MRAP2: variants seen among roughly 807,000 people sequenced by gnomAD.
MRAP2 encodes the protein melanocortin-2 receptor accessory protein 2.
In MRAP2, 20 loss-of-function variants were observed where a neutral mutation model predicts 17.4. The observed-to-expected ratio is 1.15, with a 90% confidence interval of 0.81 to 1.67. The LOEUF (loss-of-function observed/expected upper bound fraction) is 1.67, where lower values mean the gene tolerates loss of function less well. Ranked by LOEUF, MRAP2 falls within the 40% of genes most tolerant of loss-of-function variation. MRAP2 has a pLI of 0.00. For missense variants in MRAP2, 238 were observed against 240.0 expected, an observed-to-expected ratio of 0.99 and a Z score of 0.05; for synonymous variants, 96 against 88.4, an observed-to-expected ratio of 1.09 and a Z score of -0.48.
the MRAP2 span, among the ~76,000 whole-genome samples, chr6:84,126,955 G>C: frequency 6.6e-6 from 1 of 152,116 alleles, no homozygotes; most frequent in African/African-American, 2.4e-5. Context: ...AATTCTATTT[G>C]TAATTCTCTA....
At chr6:84,065,008 G>C (rs1036897944) in intron 3 of MRAP2, among the ~76,000 whole-genome samples, 1 of 152,184 alleles carries the variant, frequency 6.6e-6, no homozygotes, top group Non-Finnish European at 1.5e-5. Flanking sequence ...AACACAGCCA[G>C]GCACGGTGGC....
chr6:84,069,033 T>C (rs2099495522), intron 3 of MRAP2, among the ~76,000 whole-genome samples: 1 of 152,080 alleles, frequency 6.6e-6, no homozygotes, highest in African/African-American at 2.4e-5. Flanking sequence ...CTGATGATCA[T>C]ATCGTCAGCA....
At chr6:84,056,750 T>G (rs1184181063) in intron 2 of MRAP2, among the ~76,000 whole-genome samples, 1 of 152,226 alleles carries the variant, frequency 6.6e-6, no homozygotes, top group Non-Finnish European at 1.5e-5. Flanking sequence ...TTTTACTGCT[T>G]GGTGACATCA....
chr6:84,064,186 G>T (rs1370848205), intron 3 of MRAP2, among the ~76,000 whole-genome samples: 1 of 151,524 alleles, frequency 6.6e-6, no homozygotes, highest in African/African-American at 2.4e-5. Flanking sequence ...CAGGAAGCAA[G>T]GGGTGGGGCC....
upstream of MRAP2, among the ~76,000 whole-genome samples, chr6:84,033,549 A>T (rs1210935804): frequency 1.3e-5 from 2 of 152,204 alleles, no homozygotes; most frequent in Non-Finnish European, 2.9e-5. Context: ...GGGATGGCAA[A>T]GAATTCTCTG....
At chr6:84,144,171 C>T in the MRAP2 span, among the ~76,000 whole-genome samples, 1 of 152,072 alleles carries the variant, frequency 6.6e-6, no homozygotes, top group South Asian at 2.1e-4. Flanking sequence ...GTTCTTTCTC[C>T]TTTTACAAAT....
chr6:84,134,358 G>A, the MRAP2 span, among the ~76,000 whole-genome samples: 2 of 152,074 alleles, frequency 1.3e-5, no homozygotes, highest in Non-Finnish European at 2.9e-5. Context: ...TCTTTCCAGG[G>A]GTGTCTTGCT....
At chr6:84,072,502 G>C (rs1035302140) in intron 3 of MRAP2, among the ~76,000 whole-genome samples, 8 of 152,226 alleles carry the variant, frequency 5.3e-5, no homozygotes, top group Non-Finnish European at 1.2e-4. Flanking sequence ...TGGACTCCGT[G>C]AGGGTTTTTA....
chr6:84,115,243 C>A, the MRAP2 span, among the ~76,000 whole-genome samples: 3 of 152,194 alleles, frequency 2.0e-5, no homozygotes, highest in Admixed American at 2.0e-4. Context: ...CTGACTGGGG[C>A]TACTGCCTTT....
chr6:84,052,833 G>A (rs1466078837), intron 1 of MRAP2: 10 of 983,104 alleles, frequency 1.0e-5, no homozygotes, highest in Non-Finnish European at 1.2e-5. Flanking sequence ...TCAGAGCTTT[G>A]CTCCTCTCTT....
chr6:84,048,371 T>C (rs2099489566), intron 1 of MRAP2, among the ~76,000 whole-genome samples: 1 of 152,206 alleles, frequency 6.6e-6, no homozygotes, highest in Non-Finnish European at 1.5e-5. Context: ...ATTCTTTGAC[T>C]TGACACTAGT....
At chr6:84,041,823 C>A (rs1450336509) in intron 1 of MRAP2, among the ~76,000 whole-genome samples, 1 of 152,230 alleles carries the variant, frequency 6.6e-6, no homozygotes, top group Non-Finnish European at 1.5e-5. Context: ...ATTTTACAGA[C>A]TGATAGGCAG....
intron 3 of MRAP2, among the ~76,000 whole-genome samples, chr6:84,067,595 T>C (rs567477020): frequency 2.0e-5 from 3 of 152,358 alleles, no homozygotes; most frequent in East Asian, 1.9e-4. Context: ...TAAGGTGATA[T>C]CGCACTGTGG....
At chr6:84,079,682 G>A (rs1036407396) in intron 3 of MRAP2, among the ~76,000 whole-genome samples, 3 of 152,258 alleles carry the variant, frequency 2.0e-5, no homozygotes, top group Non-Finnish European at 2.9e-5. Context: ...TTGGTAATAG[G>A]GCACTGCAGT....
the MRAP2 span, among the ~76,000 whole-genome samples, chr6:84,131,652 AT>A: frequency 6.7e-6 from 1 of 148,168 alleles, no homozygotes; most frequent in Admixed American, 6.6e-5. Flanking sequence ...AGAGACTAGG[AT>A]TGCAACCGCT....
At chr6:84,066,899 T>A (rs2099494854) in intron 3 of MRAP2, among the ~76,000 whole-genome samples, 1 of 152,208 alleles carries the variant, frequency 6.6e-6, no homozygotes, top group Non-Finnish European at 1.5e-5. Flanking sequence ...TGTTATTTTT[T>A]CCATAAATTA....
At chr6:84,129,073 T>A in the MRAP2 span, among the ~76,000 whole-genome samples, 1 of 152,236 alleles carries the variant, frequency 6.6e-6, no homozygotes, top group Non-Finnish European at 1.5e-5. Context: ...TGCCACATTG[T>A]CTTTATCCAA....
chr6:84,135,451 C>CAGACTGCTTCCCAGAGA, the MRAP2 span, among the ~76,000 whole-genome samples: 3,368 of 152,270 alleles, frequency 0.022, 127 homozygotes, highest in African/African-American at 0.076. Context: ...AGCCCAGAGA[C>CAGACTGCTTCCCAGAGA]AGACTGCTTC....
chr6:84,063,377 C>T, intron 3 of MRAP2: 1 of 985,276 alleles, frequency 1.0e-6, no homozygotes, highest in Non-Finnish European at 1.2e-6. Context: ...GGATGAAAAC[C>T]AGTTTTAAAA....
Sources: allele counts gnomAD v4.1 joint callset (sites outside exome capture counted in the v4.1 genomes callset), GRCh38; gene constraint gnomAD v4.1.1; transcripts MANE v1.5; gene names NCBI Gene and HGNC (gene_info 2026-07-23, HGNC 2026-07-21).